The following SPIRE1 variants were observed in gnomAD, a reference collection of about 807,000 sequenced individuals.
SPIRE1 encodes the protein protein spire homolog 1.
A neutral mutation model predicts 94.1 loss-of-function variants in SPIRE1; 40 were observed. The observed-to-expected ratio is 0.43, with a 90% CI of 0.33 to 0.55. The LOEUF (loss-of-function observed/expected upper bound fraction) is 0.55. Ranked by LOEUF, SPIRE1 falls within the 20% of genes least tolerant of loss-of-function variation. The pLI, the probability that SPIRE1 is intolerant of heterozygous loss-of-function variation, is 0.06. For synonymous variants in SPIRE1, 376 were observed against 371.7 expected (o/e 1.01, Z -0.13); for missense variants, 838 against 975.2 (o/e 0.86, Z 1.87).
chr18:12,565,991 C>A (rs1011071770), intron 2 of SPIRE1, among the ~76,000 whole-genome samples: 15 of 144,414 alleles, frequency 1.0e-4, no homozygotes, highest in African/African-American at 3.9e-4. Context: ...CAAGATCGTG[C>A]CATTGCACTC....
At chr18:12,647,029 A>T (rs1182094754) in intron 1 of SPIRE1, among the ~76,000 whole-genome samples, 1 of 149,980 alleles carries the variant, frequency 6.7e-6, no homozygotes, top group East Asian at 2.0e-4. Flanking sequence ...GGGCAACAAG[A>T]GCAAAACTCT....
chr18:12,494,121 C>T (rs1391473785), intron 7 of SPIRE1, among the ~76,000 whole-genome samples: 1 of 151,890 alleles, frequency 6.6e-6, no homozygotes, highest in Non-Finnish European at 1.5e-5. Context: ...CTATGTTGCC[C>T]AGGCTGGTTT....
At chr18:12,641,927 G>T (rs1371209148) in intron 1 of SPIRE1, among the ~76,000 whole-genome samples, 4 of 150,006 alleles carry the variant, frequency 2.7e-5, no homozygotes. Context: ...CGCCTCCCAG[G>T]TTCAAGCAAT....
chr18:12,650,146 C>T (rs1223798382), intron 1 of SPIRE1, among the ~76,000 whole-genome samples: 1 of 151,488 alleles, frequency 6.6e-6, no homozygotes, highest in African/African-American at 2.4e-5. Flanking sequence ...GGCTGAGGTG[C>T]GAGAATTGCT....
chr18:12,457,177 G>A (rs569684868), intron 12 of SPIRE1, among the ~76,000 whole-genome samples: 1 of 152,182 alleles, frequency 6.6e-6, no homozygotes, highest in East Asian at 1.9e-4. Context: ...TTGCTTTCTT[G>A]TTCTTTTTTA....
At chr18:12,512,103 G>A (rs1263890976) in intron 5 of SPIRE1, among the ~76,000 whole-genome samples, 1 of 152,130 alleles carries the variant, frequency 6.6e-6, no homozygotes, top group Admixed American at 6.6e-5. Flanking sequence ...GGTGGCTCAT[G>A]CCTGTAATCC....
At chr18:12,595,259 T>C (rs2036638626) in intron 2 of SPIRE1, among the ~76,000 whole-genome samples, 2 of 152,174 alleles carry the variant, frequency 1.3e-5, no homozygotes, top group Non-Finnish European at 2.9e-5. Flanking sequence ...TGAGCTATGA[T>C]TGTGCCACTG....
intron 4 of SPIRE1, among the ~76,000 whole-genome samples, chr18:12,526,519 T>C (rs1412234998): frequency 6.6e-6 from 1 of 152,096 alleles, no homozygotes; most frequent in Non-Finnish European, 1.5e-5. Context: ...ATCATGTTCA[T>C]CTCATTCACC....
chr18:12,529,849 A>C (rs1231248635), intron 4 of SPIRE1, among the ~76,000 whole-genome samples: 2 of 152,232 alleles, frequency 1.3e-5, no homozygotes, highest in Non-Finnish European at 2.9e-5. Flanking sequence ...TTCTTGCTGC[A>C]ATATCATGAA....
At chr18:12,658,626 G>A (rs1042700808), upstream of SPIRE1, 3 of 470,080 alleles carry the variant, frequency 6.4e-6, no homozygotes, top group Admixed American at 7.1e-5. Context: ...TGGAGCGGAT[G>A]CCTAAGAAAA....
chr18:12,536,698 C>T, intron 3 of SPIRE1, among the ~76,000 whole-genome samples: 1 of 152,194 alleles, frequency 6.6e-6, no homozygotes, highest in Middle Eastern at 3.4e-3. Flanking sequence ...AAAGGTGCAA[C>T]TTAGTATCAT....
intron 2 of SPIRE1, among the ~76,000 whole-genome samples, chr18:12,621,828 C>T (rs941715704): frequency 1.3e-5 from 2 of 151,964 alleles, no homozygotes; most frequent in African/African-American, 2.4e-5. Context: ...AACTTGCATG[C>T]TTTGTGAATT....
At chr18:12,578,685 T>C (rs1201274865) in intron 2 of SPIRE1, among the ~76,000 whole-genome samples, 7 of 152,190 alleles carry the variant, frequency 4.6e-5, no homozygotes, top group Non-Finnish European at 1.5e-5. Flanking sequence ...GAGAGGAGAC[T>C]CTACCCACTA....
At chr18:12,626,886 A>ATATATTTTT (rs55915333) in intron 2 of SPIRE1, among the ~76,000 whole-genome samples, 3 of 111,894 alleles carry the variant, frequency 2.7e-5, no homozygotes, top group Non-Finnish European at 3.7e-5. Flanking sequence ...ATATATATAT[A>ATATATTTTT]TTTTTTTTTT....
Position 12,626,886 on chromosome 18 carries a change from A to ATATATATATATATT in SPIRE1, c.372+8175_372+8176insAATATATATATATA, listed in dbSNP as rs55915333. On this transcript the variant is annotated intron_variant, in intron 2 of 16. Coordinates refer to ENST00000409402, the MANE Select transcript of SPIRE1 (RefSeq NM_001128626.2). Reference sequence around the variant, plus strand: ...CTGTAAAATATATATATATATATATATTTTTTTTTTTTTTTTGCCCAGAGG... The same window carrying ATATATATATATATT: ...CTGTAAAATATATATATATATATATATATATATATATATTTTTTTTTTTTTTTTTTGCCCAGAGG... 4.5e-4 allele frequency among the ~76,000 whole-genome samples: 50 copies of ATATATATATATATT among 111,886 alleles called. No individual in the cohort carries two copies. The South Asian group carries it at 4.8e-3, about 11-fold the overall frequency. The allele number at this position is 111,886 out of a possible 152,430, so 73.4% of individuals were successfully genotyped here. A position where few individuals can be genotyped will look rare whatever the true frequency, so the allele number is the denominator to read the frequency against.
At chr18:12,484,663 T>C (rs2032968901) in intron 9 of SPIRE1, among the ~76,000 whole-genome samples, 1 of 152,142 alleles carries the variant, frequency 6.6e-6, no homozygotes, top group Non-Finnish European at 1.5e-5. Context: ...CAAAAGAAAA[T>C]ATTTGTGCCA....
chr18:12,637,000 G>A (rs928493209), intron 1 of SPIRE1, among the ~76,000 whole-genome samples: 1 of 152,200 alleles, frequency 6.6e-6, no homozygotes, highest in Non-Finnish European at 1.5e-5. Context: ...CTGCATGGGG[G>A]GAAGAGAGAG....
chr18:12,615,553 A>AAAAAAAAAAAAAAAAAAAG (rs2037283515), intron 2 of SPIRE1, among the ~76,000 whole-genome samples: 1 of 147,696 alleles, frequency 6.8e-6, no homozygotes, highest in Non-Finnish European at 1.5e-5. Flanking sequence ...AAAAAAAAAA[A>AAAAAAAAAAAAAAAAAAAG]AAATCCCAAA....
Position 12,597,108 on chromosome 18 carries a change from CA to C in SPIRE1, c.372+37953del, listed in dbSNP as rs888573466. 5.3e-4 allele frequency among the ~76,000 whole-genome samples: 80 copies of C among 151,646 alleles called. 1 individual carries two copies. Among genetic ancestry groups the C allele is most frequent in the African/African-American group, 1.8e-3 (76 of 41,308 alleles). ...TAAGCACCCTTTCATTATCTTACCT[CA>C]AAACCTCTATTCACGGATTTTTGCA... is the stretch of plus-strand genomic sequence containing the variant. On this transcript the variant is annotated intron_variant, in intron 2 of 16. Coordinates refer to ENST00000409402, the MANE Select transcript of SPIRE1 (RefSeq NM_001128626.2).
Sources: allele counts gnomAD v4.1 joint callset (sites outside exome capture counted in the v4.1 genomes callset), GRCh38; gene constraint gnomAD v4.1.1; transcripts MANE v1.5; gene names NCBI Gene and HGNC (gene_info 2026-07-23, HGNC 2026-07-21).